Variants in CELF6 observed in about 807,000 individuals in gnomAD.
The protein encoded by CELF6 is Bruno -like 6, RNA binding protein.
A neutral mutation model predicts 53.1 loss-of-function variants in CELF6; 32 were observed. The ratio of observed to expected loss-of-function variants is 0.60; its 90% CI spans 0.46 to 0.81. The LOEUF (loss-of-function observed/expected upper bound fraction) is 0.81, where lower values mean the gene tolerates loss of function less well. Among genes scored for constraint, CELF6 ranks in the 30% least tolerant of loss-of-function variants. The probability of loss-of-function intolerance (pLI) is 0.00; values close to 1 mark genes in which losing one functional copy is unlikely to be tolerated. For missense variants in CELF6, 539 were observed against 669.5 expected (o/e 0.81, Z 2.15); for synonymous variants, 291 against 288.8 (o/e 1.01, Z -0.08).
chr15:72,314,589 G>GTTTTTTTTTTTGTTT (rs2088337684), intron 2 of CELF6, among the ~76,000 whole-genome samples: 2 of 97,858 alleles, frequency 2.0e-5, no homozygotes, highest in African/African-American at 9.7e-5. Flanking sequence ...AAAACCCAGT[G>GTTTTTTTTTTTGTTT]TTTTTTTTTT....
At chr15:72,295,255 A>T (rs2088062649) in intron 3 of CELF6, among the ~76,000 whole-genome samples, 1 of 151,596 alleles carries the variant, frequency 6.6e-6, no homozygotes, top group South Asian at 2.1e-4. Context: ...GAATCGCTTG[A>T]ACCTGGGAGG....
In CELF6 at chr15:72,290,202, C is replaced by T. The variant is rs763073658; in HGVS notation, c.448G>A (p.Val150Ile). 1.2e-6 allele frequency: 2 copies of T among 1,613,922 alleles called. No individual in the cohort carries two copies. The highest frequency in any genetic ancestry group is 1.7e-6 in the Non-Finnish European group (2 of 1,179,962). Residue 150 changes from valine (V) to isoleucine (I), a missense_variant, in exon 4 of 13, where the codon GTC becomes ATC. Transcript: ENST00000287202. ...CCAAAGGGCTGGAACAGGCGTCTGA[C>T]GTCCTCCTCACCCTGCTGCTTGCCC... Reference protein sequence around the residue: ...MLGKQQGEEDVRRLFQPFGHI... With the variant: ...MLGKQQGEEDIRRLFQPFGHI...
Position 72,319,681 on chromosome 15 carries a change from A to C in CELF6, c.194T>G (p.Leu65Arg). Residue 65 changes from leucine to arginine, a missense_variant, in exon 1 of 13, where the codon CTG (leucine) becomes CGG (arginine). Physicochemically the swap from Leu to Arg is moderately radical, Grantham distance 102 (BLOSUM62 -2). Around this residue, in one of 3 missense-constraint regions of CELF6, gnomAD observed 97 missense variants for 168.8 expected, o/e 0.57. Transcript: ENST00000287202. The surrounding 1 kb of genome is among the most constrained non-coding windows in gnomAD (Gnocchi z 5.0). ...RGLDEQDLKP[L>R]FEEFGRIYEL... is the part of the protein sequence containing the mutation. The stretch of plus-strand genomic sequence containing the variant: ...GTAGATGCGGCCGAACTCCTCGAAC[A>C]GCGGCTTGAGGTCCTGCTCGTCCAA... 1 of 1,588,720 alleles carries C rather than the reference A, an allele frequency of 6.3e-7. No homozygotes were observed. Among genetic ancestry groups the C allele is most frequent in the African/African-American group, 1.3e-5 (1 of 74,654 alleles).
intron 3 of CELF6, 120 bp from the exon 4 acceptor site, chr15:72,290,375 AG>A: frequency 8.1e-7 from 1 of 1,231,322 alleles, no homozygotes; most frequent in East Asian, 2.6e-5. Flanking sequence ...GGGAGTGAGA[AG>A]GCCCTGGGCT....
Position 72,285,923 on chromosome 15 carries a change from T to C in CELF6, c.*448A>G, listed in dbSNP as rs923847147. 6 of 152,676 alleles carry C rather than the reference T, an allele frequency of 3.9e-5. No homozygotes were observed. Among genetic ancestry groups the C allele is most frequent in the African/African-American group, 1.4e-4 (6 of 41,468 alleles). 9.5% of individuals were successfully genotyped at this position (152,676 alleles called of 1,614,324 possible). ...TAAAGGCAGCTTTTATGAGACTCTA[T>C]ACTGTCTTTTTTTGTAGTTGTTTGT... On this transcript the variant is annotated 3_prime_UTR_variant, in exon 13 of 13. Coordinates refer to ENST00000287202, the MANE Select transcript of CELF6 (RefSeq NM_052840.5).
chr15:72,311,649 G>A (rs879020237), intron 2 of CELF6, among the ~76,000 whole-genome samples: 12 of 152,184 alleles, frequency 7.9e-5, no homozygotes, highest in African/African-American at 1.2e-4. Context: ...TGATCCGCCC[G>A]CCTCAGCCTC....
chr15:72,286,060 G>C lies in CELF6; in HGVS notation c.*311C>G, dbSNP rs1294868866. On this transcript the variant is annotated 3_prime_UTR_variant, in exon 13 of 13. Coordinates refer to ENST00000287202, the MANE Select transcript of CELF6 (RefSeq NM_052840.5). ...TCTAAGGAATGATATGATTTTGAAA[G>C]AAGTAAATCTGGGCTTCCCTTGCGG... The C allele has an allele frequency of 6.6e-6, 1 of 152,636 alleles. No homozygotes were observed. Among genetic ancestry groups the C allele is most frequent in the African/African-American group, 2.4e-5 (1 of 41,444 alleles). 9.5% of individuals were successfully genotyped at this position (152,636 alleles called of 1,614,324 possible). A position where few individuals can be genotyped will look rare whatever the true frequency, so the allele number is the denominator to read the frequency against.
rs34566074 is a variant in CELF6, at chr15:72,290,195, C to T, written c.455G>A (p.Arg152His). 21 of 1,613,892 alleles carry T rather than the reference C, an allele frequency of 1.3e-5. No homozygotes were observed. In the South Asian group the frequency reaches 2.1e-4, roughly 16 times the overall value. The change falls in exon 4 of 13, where the codon CGC becomes CAC. Residue 152 changes from arginine (R) to histidine (H), a missense_variant. By Grantham distance (29) the Arg-to-His change is conservative. This residue lies in a region of CELF6 where 97 missense variants were observed against 168.8 expected (regional missense o/e 0.57). Transcript: ENST00000287202. The part of the protein sequence containing the change: ...GKQQGEEDVR[R>H]LFQPFGHIEE... ...GATGTGGCCAAAGGGCTGGAACAGGCGTCTGACGTCCTCCTCACCCTGCTG... is the reference window on the plus strand; with the variant it reads ...GATGTGGCCAAAGGGCTGGAACAGGTGTCTGACGTCCTCCTCACCCTGCTG...
At chr15:72,308,769 G>C (rs904184985) in intron 2 of CELF6, among the ~76,000 whole-genome samples, 4 of 151,400 alleles carry the variant, frequency 2.6e-5, no homozygotes, top group African/African-American at 9.7e-5. Context: ...GCAGTGGCGC[G>C]ATCTCAGCTC....
At chr15:72,287,701 T>C (rs2141182445) in intron 11 of CELF6, among the ~76,000 whole-genome samples, 1 of 152,300 alleles carries the variant, frequency 6.6e-6, no homozygotes, top group East Asian at 1.9e-4. Context: ...CTCAGAACCA[T>C]AGTTGGAGTT....
chr15:72,318,659 G>T (rs897088998), intron 1 of CELF6, among the ~76,000 whole-genome samples: 1 of 152,114 alleles, frequency 6.6e-6, no homozygotes, highest in Admixed American at 6.6e-5. Context: ...ACAGGACCGT[G>T]TATCTCTCTA....
At position 72,289,771 on chromosome 15, in the gene CELF6, C is replaced by G; in HGVS notation, c.604-1G>C. On this transcript the variant is annotated splice_acceptor_variant, in intron 5 of 12. Transcript: ENST00000287202. LOFTEE classifies it high-confidence loss of function. The surrounding 1 kb of genome is among the most constrained non-coding windows in gnomAD (Gnocchi z 7.6). ...TGACCACGAGGCTGGACGAGGCGCC[C>G]TGGGCAGGGCAGGGGAGGCCGTGGT... 6.9e-7 allele frequency: 1 copy of G among 1,451,538 alleles called. No individual in the cohort carries two copies. 89.9% of individuals were successfully genotyped at this position (1,451,538 alleles called of 1,614,324 possible).
intron 3 of CELF6, 117 bp downstream of exon 3, chr15:72,304,629 A>T (rs1291704985): frequency 1.1e-6 from 1 of 878,264 alleles, no homozygotes; most frequent in Non-Finnish European, 1.9e-6. Flanking sequence ...TCTGAGCCCC[A>T]CCTGTCCCCT....
rs759045050 is a variant in CELF6, at chr15:72,289,296, G to A, written c.881-9C>T. 25 of 1,562,250 alleles carry A rather than the reference G, an allele frequency of 1.6e-5. No homozygotes were observed. The African/African-American group carries it at 2.2e-4, about 13-fold the overall frequency. On this transcript the variant is annotated splice_polypyrimidine_tract_variant and intron_variant, in intron 7 of 12. Coordinates refer to ENST00000287202, the MANE Select transcript of CELF6 (RefSeq NM_052840.5). The surrounding 1 kb of genome is among the most constrained non-coding windows in gnomAD (Gnocchi z 7.6). The stretch of plus-strand genomic sequence containing the variant: ...AGGCGGGGAGTTGGCTGCTGATGGC[G>A]GAAAAGGTCTGAGAGTCAGGCCGCC...
intron 2 of CELF6, among the ~76,000 whole-genome samples, chr15:72,315,019 C>T (rs1455544321): frequency 6.6e-6 from 1 of 152,092 alleles, no homozygotes; most frequent in East Asian, 1.9e-4. Flanking sequence ...TATCTTGTGT[C>T]TTTACTTCAT....
Position 72,289,609 on chromosome 15 carries a change from C to T in CELF6, c.747+18G>A. ...CCACCCACCTGCGCGCCCTCGCACG[C>T]AGGTGCCCGGTACCTACCGCCGTGG... On this transcript the variant is annotated intron_variant, in intron 6 of 12. Coordinates refer to ENST00000287202, the MANE Select transcript of CELF6 (RefSeq NM_052840.5). The surrounding 1 kb of genome is among the most constrained non-coding windows in gnomAD (Gnocchi z 7.6). 2 of 1,491,134 alleles carry T rather than the reference C, an allele frequency of 1.3e-6. No individual in the cohort carries two copies. Among genetic ancestry groups the T allele is most frequent in the African/African-American group, 1.4e-5 (1 of 69,464 alleles). 92.4% of individuals were successfully genotyped at this position (1,491,134 alleles called of 1,614,324 possible).
chr15:72,288,457 G>A lies in CELF6; in HGVS notation c.1175-6C>T, dbSNP rs2087949809. ...GAGGTTACAGCCTTCGGGGCCTGGA[G>A]GAACAGTAGCAAGCTGGTTCAGGGG... On this transcript the variant is annotated splice_polypyrimidine_tract_variant and splice_region_variant and intron_variant, in intron 10 of 12. Coordinates refer to ENST00000287202, the MANE Select transcript of CELF6 (RefSeq NM_052840.5). This position sits in a 1 kb window ranked among gnomAD's most constrained non-coding sequence, Gnocchi z 4.6. 4.3e-6 allele frequency: 7 copies of A among 1,614,188 alleles called. No individual in the cohort carries two copies. The highest frequency in any genetic ancestry group is 5.9e-6 in the Non-Finnish European group (7 of 1,180,044).
chr15:72,315,780 G>T, intron 2 of CELF6, 65 bp downstream of exon 2: 1 of 1,126,726 alleles, frequency 8.9e-7, no homozygotes, highest in Non-Finnish European at 1.3e-6. Context: ...ATGCTGCTTT[G>T]GCATGCACAC....
At chr15:72,318,375 G>A (rs573618877) in intron 1 of CELF6, among the ~76,000 whole-genome samples, 62 of 152,286 alleles carry the variant, frequency 4.1e-4, no homozygotes, top group African/African-American at 1.5e-3. Context: ...CCTTAGGAAT[G>A]TACCTTTAGC....
Sources: gnomAD v4.1 joint callset for allele counts (sites outside exome capture counted in the v4.1 genomes callset) on GRCh38, gnomAD v4.1.1 for gene constraint, gnomAD v4.1.1 regional missense constraint, Gnocchi (gnomAD v3.1) non-coding constraint, MANE v1.5 for transcripts, NCBI Gene and HGNC (gene_info 2026-07-23, HGNC 2026-07-21) for gene names.